MAEL: variants seen among roughly 807,000 people sequenced by gnomAD.
The protein encoded by MAEL is protein maelstrom homolog.
In MAEL, 46 loss-of-function variants were observed where a neutral mutation model predicts 62.0. The ratio of observed to expected loss-of-function variants is 0.74; its 90% CI spans 0.59 to 0.95. MAEL has a LOEUF of 0.95. MAEL is among the 40% of genes least tolerant of loss of function. The pLI, the probability that MAEL is intolerant of heterozygous loss-of-function variation, is 0.00. For synonymous variants in MAEL, 172 were observed against 175.5 expected (o/e 0.98, Z 0.16); for missense variants, 497 against 526.8 (o/e 0.94, Z 0.55).
At chr1:166,986,256 G>T (rs183661024), upstream of MAEL, among the ~76,000 whole-genome samples, 68 of 139,672 alleles carry the variant, frequency 4.9e-4, no homozygotes, top group African/African-American at 1.8e-3. Flanking sequence ...TTATCTTGAT[G>T]GCAGATGGTT....
intron 1 of MAEL, among the ~76,000 whole-genome samples, chr1:166,983,783 C>T (rs1440078962): frequency 6.6e-6 from 1 of 152,046 alleles, no homozygotes; most frequent in Admixed American, 6.6e-5. Flanking sequence ...AGGCAGATCA[C>T]TTGAGCCCAG....
At chr1:167,015,906 C>T (rs546306908) in intron 8 of MAEL, among the ~76,000 whole-genome samples, 3 of 152,236 alleles carry the variant, frequency 2.0e-5, no homozygotes, top group Admixed American at 6.5e-5. Flanking sequence ...GTGCCTACCA[C>T]AAGGCCTAGA....
Position 166,990,348 on chromosome 1 carries a change from G to A in MAEL, c.225+519G>A, listed in dbSNP as rs116598824. ...AAGACTTGGATTAGTTGGTGTATGT[G>A]TGTATGTTTTACAAGAGTTGAATAG... is the stretch of plus-strand genomic sequence containing the variant. On this transcript the variant is annotated intron_variant, in intron 2 of 11. Transcript: ENST00000367872. 7.6e-3 allele frequency: 1,166 copies of A among 153,038 alleles called. 12 individuals carry two copies. The highest frequency in any genetic ancestry group is 0.027 in the African/African-American group (1,122 of 41,532). 9.5% of individuals were successfully genotyped at this position (153,038 alleles called of 1,614,324 possible). A position where few individuals can be genotyped will look rare whatever the true frequency, so the allele number is the denominator to read the frequency against.
upstream of MAEL, among the ~76,000 whole-genome samples, chr1:166,988,581 G>A (rs1489230476): frequency 6.6e-6 from 1 of 152,056 alleles, no homozygotes; most frequent in Non-Finnish European, 1.5e-5. Context: ...GAGATCAGCA[G>A]TGTGACTATA....
At chr1:166,999,594 G>A (rs1035680408) in intron 5 of MAEL, among the ~76,000 whole-genome samples, 3 of 152,234 alleles carry the variant, frequency 2.0e-5, no homozygotes, top group Non-Finnish European at 4.4e-5. Context: ...GCTGCAGCAA[G>A]TCATTCAGAG....
chr1:166,990,762 C>T (rs1194853979), intron 2 of MAEL: 1 of 152,148 alleles, frequency 6.6e-6, no homozygotes, highest in East Asian at 1.9e-4. Flanking sequence ...TGATTTGTAT[C>T]AGGAAAGTGC....
At chr1:167,015,564 G>C (rs190933003) in intron 8 of MAEL, among the ~76,000 whole-genome samples, 2 of 152,230 alleles carry the variant, frequency 1.3e-5, no homozygotes, top group East Asian at 1.9e-4. Context: ...AACAGCTCTT[G>C]TCATGAAAGT....
intron 5 of MAEL, among the ~76,000 whole-genome samples, chr1:167,000,947 A>T (rs1406806782): frequency 6.6e-6 from 1 of 152,266 alleles, no homozygotes; most frequent in Non-Finnish European, 1.5e-5. Context: ...GATAACTTGC[A>T]CACACATGTT....
At chr1:167,015,860 G>C (rs943644995) in intron 8 of MAEL, among the ~76,000 whole-genome samples, 1 of 151,984 alleles carries the variant, frequency 6.6e-6, no homozygotes, top group Non-Finnish European at 1.5e-5. Context: ...GTTTTGTGTG[G>C]ACAATAATTT....
intron 8 of MAEL, among the ~76,000 whole-genome samples, chr1:167,015,769 T>C (rs1237935767): frequency 6.6e-6 from 1 of 152,208 alleles, no homozygotes; most frequent in Admixed American, 6.5e-5. Context: ...AGTTCTATCC[T>C]TAGAACTTTC....
chr1:166,983,014 C>G (rs1374288198), intron 1 of MAEL, among the ~76,000 whole-genome samples: 5 of 152,268 alleles, frequency 3.3e-5, no homozygotes, highest in African/African-American at 1.2e-4. Flanking sequence ...AAATTGTACC[C>G]TCTAACTGTT....
At chr1:166,998,061 G>A (rs967204917) in intron 5 of MAEL, among the ~76,000 whole-genome samples, 5 of 152,048 alleles carry the variant, frequency 3.3e-5, no homozygotes, top group Non-Finnish European at 7.4e-5. Flanking sequence ...CTTTTTTGCT[G>A]TCAATATCAT....
chr1:166,996,863 C>T (rs894904223), intron 5 of MAEL, among the ~76,000 whole-genome samples: 2 of 152,040 alleles, frequency 1.3e-5, no homozygotes, highest in African/African-American at 4.8e-5. Context: ...GTCTTGCTCC[C>T]TCGCCCAGGC....
chr1:167,004,858 C>G (rs545052566), intron 6 of MAEL, among the ~76,000 whole-genome samples: 13 of 152,094 alleles, frequency 8.5e-5, no homozygotes, highest in Non-Finnish European at 1.6e-4. Flanking sequence ...CTTAACATTT[C>G]TGTATAAATG....
chr1:167,005,046 G>T (rs373158538), intron 6 of MAEL, 30 bp from the exon 7 acceptor site: 1 of 1,604,910 alleles, frequency 6.2e-7, no homozygotes, highest in Non-Finnish European at 8.5e-7. Context: ...TAGTTTTTTT[G>T]TTTTGTTTTT....
At chr1:166,982,168 A>T (rs954428733) in intron 1 of MAEL, among the ~76,000 whole-genome samples, 2 of 152,244 alleles carry the variant, frequency 1.3e-5, no homozygotes, top group Non-Finnish European at 2.9e-5. Context: ...AAGATCTGAG[A>T]GCACATTCAA....
intron 9 of MAEL, among the ~76,000 whole-genome samples, chr1:167,017,074 A>T (rs1427069739): frequency 6.6e-6 from 1 of 152,204 alleles, no homozygotes; most frequent in East Asian, 1.9e-4. Context: ...ATTTGATAGC[A>T]CAACAGAGTG....
In MAEL at chr1:167,016,163, T is replaced by A. The variant is rs551036913; in HGVS notation, c.846-59T>A. On this transcript the variant is annotated intron_variant, in intron 8 of 11. Transcript: ENST00000367872. ...AGATTTCAGATAGAAATCTGGCATA[T>A]AAAAACCTTTAAGCAGTGCTACTTC... The A allele has an allele frequency of 3.8e-5, 55 of 1,432,180 alleles. No individual in the cohort carries two copies. In the African/African-American group the frequency reaches 5.7e-4, roughly 15 times the overall value. The allele number at this position is 1,432,180 out of a possible 1,614,324, so 88.7% of individuals were successfully genotyped here. A position where few individuals can be genotyped will look rare whatever the true frequency, so the allele number is the denominator to read the frequency against.
intron 4 of MAEL, among the ~76,000 whole-genome samples, chr1:166,993,555 G>T (rs1221423826): frequency 6.6e-6 from 1 of 152,156 alleles, no homozygotes; most frequent in Non-Finnish European, 1.5e-5. Flanking sequence ...CTCATTTTTA[G>T]ATGACAGAAA....
Sources: allele counts gnomAD v4.1 joint callset (sites outside exome capture counted in the v4.1 genomes callset), GRCh38; gene constraint gnomAD v4.1.1; transcripts MANE v1.5; gene names NCBI Gene and HGNC (gene_info 2026-07-23, HGNC 2026-07-21).